Variants in APC observed in about 807,000 individuals in gnomAD.
APC encodes APC regulator of Wnt signaling pathway, also known as adenomatous polyposis coli protein.
APC carries 72 observed loss-of-function variants against 247.0 expected under a neutral mutation model. That is an observed-to-expected ratio of 0.29 (90% confidence interval 0.24 to 0.35). The LOEUF (loss-of-function observed/expected upper bound fraction) is 0.35, where lower values mean the gene tolerates loss of function less well. APC is among the 10% of genes least tolerant of loss of function. The pLI, the probability that APC is intolerant of heterozygous loss-of-function variation, is 1.00. For missense variants in APC, 3,400 were observed against 3,360.7 expected (o/e 1.01, Z -0.29); for synonymous variants, 1,254 against 1,162.5 (o/e 1.08, Z -1.60).
intron 8 of APC, among the ~76,000 whole-genome samples, chr5:112,803,655 A>G (rs561968119): frequency 6.6e-6 from 1 of 152,344 alleles, no homozygotes; most frequent in South Asian, 2.1e-4. Flanking sequence ...AAGTGTTAAT[A>G]ATTATCTTTA....
chr5:112,770,112 A>C (rs972680805), intron 4 of APC, among the ~76,000 whole-genome samples: 2 of 152,220 alleles, frequency 1.3e-5, no homozygotes, highest in African/African-American at 2.4e-5. Context: ...AGGGAATTTC[A>C]GAGAAAAATA....
chr5:112,755,660 T>A (rs1754889422), intron 2 of APC, among the ~76,000 whole-genome samples: 1 of 152,218 alleles, frequency 6.6e-6, no homozygotes, highest in Admixed American at 6.5e-5. Flanking sequence ...AAAGTTCTGA[T>A]CACCTCCAAG....
At chr5:112,735,367 G>A (rs1276815538), upstream of APC, among the ~76,000 whole-genome samples, 4 of 152,146 alleles carry the variant, frequency 2.6e-5, no homozygotes, top group East Asian at 7.7e-4. Flanking sequence ...TGGTAGAAAT[G>A]AGGTTTCGCC....
chr5:112,726,585 G>A (rs1372489454), intron 1 of APC, among the ~76,000 whole-genome samples: 1 of 151,988 alleles, frequency 6.6e-6, no homozygotes, highest in African/African-American at 2.4e-5. Context: ...GCATCTTTTG[G>A]GTGCAAAAAA....
At position 112,840,956 on chromosome 5, in the gene APC, C is replaced by G. The variant is rs773125634; in HGVS notation, c.5362C>G (p.Arg1788Gly). ...ACCACAAAATACTGAATATAGGACA[C>G]GTGTAAGAAAAAATGCAGACTCAAA... ...PIPQNTEYRT[R>G]VRKNADSKNN... The change falls in exon 16 of 16, where the codon CGT becomes GGT. Residue 1788 changes from arginine (R) to glycine (G), a missense_variant. Arg to Gly is a moderately radical substitution (Grantham distance 125). This residue lies in a region of APC where 1,788 missense variants were observed against 1,649.5 expected (regional missense o/e 1.08). Transcript: ENST00000257430. The surrounding 1 kb of genome is among the most constrained non-coding windows in gnomAD (Gnocchi z 4.1). 6.2e-7 allele frequency: 1 copy of G among 1,612,912 alleles called. No individual in the cohort carries two copies. The highest frequency in any genetic ancestry group is 1.1e-5 in the South Asian group (1 of 90,948).
At chr5:112,757,858 G>C (rs191986313) in intron 2 of APC, among the ~76,000 whole-genome samples, 2 of 152,228 alleles carry the variant, frequency 1.3e-5, no homozygotes, top group Non-Finnish European at 2.9e-5. Flanking sequence ...GTGTTTATGG[G>C]TTAGGGAAAT....
intron 6 of APC, among the ~76,000 whole-genome samples, chr5:112,783,942 T>C (rs944274441): frequency 1.1e-4 from 17 of 152,198 alleles, no homozygotes; most frequent in Non-Finnish European, 2.2e-4. Context: ...GGAAATGTAA[T>C]ATAAAGTAAG....
In APC at chr5:112,798,983, G is replaced by A. The variant is rs112772261; in HGVS notation, c.730-2296G>A. 4.9e-3 allele frequency among the ~76,000 whole-genome samples: 745 copies of A among 152,154 alleles called. 8 individuals are homozygous for A. The highest frequency in any genetic ancestry group is 0.017 in the African/African-American group (712 of 41,510). ...CCAGCACTTTGGGAAACTGAGGTGG[G>A]CAGATCACCTGAGGTCAGGAGTTCA... On this transcript the variant is annotated intron_variant, in intron 7 of 15. Coordinates refer to ENST00000257430, the MANE Select transcript of APC (RefSeq NM_000038.6).
chr5:112,717,908 C>CTTTTTCTTTTT (rs1751264440), intron 1 of APC, among the ~76,000 whole-genome samples: 2 of 40,634 alleles, frequency 4.9e-5, no homozygotes, highest in Admixed American at 4.3e-4. Context: ...TTTTCTTTTT[C>CTTTTTCTTTTT]TTTTTTTTTT....
intron 11 of APC, among the ~76,000 whole-genome samples, chr5:112,824,421 C>T (rs1055582707): frequency 6.6e-6 from 1 of 152,170 alleles, no homozygotes; most frequent in African/African-American, 2.4e-5. Flanking sequence ...AAAGCACTTC[C>T]TCTTTTATCT....
In APC at chr5:112,810,420, A is replaced by G. The variant is rs454886; in HGVS notation, c.835-5075A>G. The G allele has an allele frequency of 0.29, 60,745 of 207,972 alleles. 10,892 individuals are homozygous for G. Among genetic ancestry groups the G allele is most frequent in the East Asian group, 0.63 (4,576 of 7,294 alleles). 12.9% of individuals were successfully genotyped at this position (207,972 alleles called of 1,614,324 possible). ...TATGCAGTAAGAGAAGAAGAGCCAC[A>G]GTTTTATATGATACAAAATGAGGCA... is the stretch of plus-strand genomic sequence containing the variant. On this transcript the variant is annotated intron_variant, in intron 8 of 15. Transcript: ENST00000257430.
rs1750602563 is a variant in APC, at chr5:112,707,726, C to T, written c.9C>T (p.Ala3=). The T allele has an allele frequency of 1.5e-6, 2 of 1,370,650 alleles. No individual in the cohort carries two copies. The highest frequency in any genetic ancestry group is 2.9e-5 in the African/African-American group (2 of 69,860). 84.9% of individuals were successfully genotyped at this position (1,370,650 alleles called of 1,614,324 possible). The change falls in exon 1 of 14, where the codon GCC becomes GCT. Residue 3 remains alanine (A), a synonymous_variant. Transcript: ENST00000507379. ...GGGCCTCGGCGCCCCCTATGTACGCCTCCCTGGGCTCGGGTCCGGTCGCCC... is the reference window on the plus strand; with the variant it reads ...GGGCCTCGGCGCCCCCTATGTACGCTTCCCTGGGCTCGGGTCCGGTCGCCC...
intron 6 of APC, among the ~76,000 whole-genome samples, chr5:112,791,398 G>C (rs1759568952): frequency 6.6e-6 from 1 of 152,208 alleles, no homozygotes; most frequent in East Asian, 1.9e-4. Context: ...TGGGCCTACT[G>C]TTTAAACCAG....
chr5:112,827,853 A>C, intron 12 of APC, 76 bp from the exon 13 acceptor site: 1 of 1,170,330 alleles, frequency 8.5e-7, no homozygotes, highest in Non-Finnish European at 1.3e-6. Context: ...ACTGAATTAG[A>C]CATTTAGTAG....
At chr5:112,764,107 G>A (rs1012996539) in intron 2 of APC, among the ~76,000 whole-genome samples, 87 of 151,734 alleles carry the variant, frequency 5.7e-4, no homozygotes, top group Non-Finnish European at 1.5e-4. Context: ...TTAGCCGGGC[G>A]TGGTGGCGGG....
intron 13 of APC, 101 bp downstream of exon 13, chr5:112,828,107 C>A: frequency 1.1e-6 from 1 of 932,228 alleles, no homozygotes. Context: ...GCAATCTCAG[C>A]TCACTGCAAC....
At chr5:112,806,707 G>GTGTCATTC (rs997163137) in intron 8 of APC, among the ~76,000 whole-genome samples, 3 of 152,052 alleles carry the variant, frequency 2.0e-5, no homozygotes, top group African/African-American at 7.2e-5. Context: ...TTCTTGGATA[G>GTGTCATTC]TTGGGACCAC....
intron 4 of APC, among the ~76,000 whole-genome samples, chr5:112,774,874 A>T (rs1222900491): frequency 6.6e-6 from 1 of 152,228 alleles, no homozygotes; most frequent in East Asian, 1.9e-4. Flanking sequence ...AAGTATGCAC[A>T]TATGTCCTTG....
intron 1 of APC, among the ~76,000 whole-genome samples, chr5:112,745,196 A>G (rs1440449499): frequency 6.6e-6 from 1 of 152,204 alleles, no homozygotes. Context: ...TATGAAAATT[A>G]GTCAAGGCAA....
Sources: allele counts gnomAD v4.1 joint callset (sites outside exome capture counted in the v4.1 genomes callset), GRCh38; gene constraint gnomAD v4.1.1; regional missense constraint gnomAD v4.1.1; non-coding constraint Gnocchi (gnomAD v3.1); transcripts MANE v1.5; gene names NCBI Gene and HGNC (gene_info 2026-07-23, HGNC 2026-07-21).